Variants in SINHCAF observed in about 807,000 individuals in gnomAD.
The protein encoded by SINHCAF is SIN3-HDAC complex associated factor, also known as SIN3-HDAC complex-associated factor.
A neutral mutation model predicts 25.8 loss-of-function variants in SINHCAF; 3 were observed. The ratio of observed to expected loss-of-function variants is 0.12; its 90% confidence interval spans 0.05 to 0.30. The LOEUF (loss-of-function observed/expected upper bound fraction) is 0.30. SINHCAF is among the 10% of genes least tolerant of loss of function. The pLI is 1.00. For missense variants in SINHCAF, 121 were observed against 262.3 expected (o/e 0.46, Z 3.72); for synonymous variants, 70 against 85.5 (o/e 0.82, Z 1.00).
intron 1 of SINHCAF, among the ~76,000 whole-genome samples, chr12:31,316,779 A>G (rs1939511027): frequency 6.6e-6 from 1 of 152,256 alleles, no homozygotes; most frequent in Non-Finnish European, 1.5e-5. Flanking sequence ...AACAGAATGA[A>G]AAATACTGAA....
At position 31,310,450 on chromosome 12, in the gene SINHCAF, A is replaced by G. The variant is rs1294555906; in HGVS notation, c.-20-12226T>C. ...AGTTTATCATCCTGTTTCCATTTCA[A>G]TGTCCTGCAATTCCTTTTAAAATGC... On this transcript the variant is annotated intron_variant, in intron 1 of 5. Transcript: ENST00000337682. Among the ~76,000 whole-genome samples the G allele has an allele frequency of 2.6e-5, 4 of 152,192 alleles. No homozygotes were observed. In the East Asian group the frequency reaches 5.8e-4, roughly 22 times the overall value.
chr12:31,300,886 G>A (rs1291169941), intron 1 of SINHCAF, among the ~76,000 whole-genome samples: 1 of 152,114 alleles, frequency 6.6e-6, no homozygotes, highest in African/African-American at 2.4e-5. Context: ...GGAAACTTCA[G>A]CCTCCCTTCT....
intron 2 of SINHCAF, among the ~76,000 whole-genome samples, chr12:31,295,938 C>T (rs1017744268): frequency 6.6e-6 from 1 of 150,790 alleles, no homozygotes; most frequent in Admixed American, 6.6e-5. Context: ...CCCAGCACAT[C>T]GGAAGACCAA....
rs118001089 is a variant in SINHCAF at position 31,295,936 on chromosome 12, A to G, written c.129-603T>C. ...TGGCTCACACCTGTAATCCCAGCAC[A>G]TCGGAAGACCAAGGTGGGAAGATCA... On this transcript the variant is annotated intron_variant, in intron 2 of 5. Transcript: ENST00000337682. 0.013 allele frequency among the ~76,000 whole-genome samples: 1,949 copies of G among 151,414 alleles called. 146 individuals are homozygous for G. The East Asian group carries it at 0.23, about 17-fold the overall frequency.
intron 5 of SINHCAF, among the ~76,000 whole-genome samples, chr12:31,283,429 C>G (rs549728316): frequency 4.6e-5 from 7 of 151,892 alleles, no homozygotes; most frequent in Non-Finnish European, 1.0e-4. Context: ...ATGGCGAAAC[C>G]CCATCTCTAC....
intron 1 of SINHCAF, among the ~76,000 whole-genome samples, chr12:31,308,324 G>A (rs1403148748): frequency 6.6e-6 from 1 of 152,088 alleles, no homozygotes; most frequent in African/African-American, 2.4e-5. Flanking sequence ...TCTTTAAACA[G>A]GTACAAAAGG....
chr12:31,282,991 T>C lies in SINHCAF; in HGVS notation c.507-120A>G, dbSNP rs58714649. 6.7e-4 allele frequency: 481 copies of C among 720,896 alleles called. 2 individuals carry two copies. The African/African-American group carries it at 7.9e-3, about 12-fold the overall frequency. 44.7% of individuals were successfully genotyped at this position (720,896 alleles called of 1,614,324 possible). ...CCAAAGAGTTGTGCTTCTACAATCTTGCACATTCCAAGTGAAAGGGCTCCT... is the reference window on the plus strand; with the variant it reads ...CCAAAGAGTTGTGCTTCTACAATCTCGCACATTCCAAGTGAAAGGGCTCCT... On this transcript the variant is annotated intron_variant, in intron 5 of 5. Coordinates refer to ENST00000337682, the MANE Select transcript of SINHCAF (RefSeq NM_001135812.2).
At chr12:31,313,570 A>G (rs1037727923) in intron 1 of SINHCAF, among the ~76,000 whole-genome samples, 1 of 152,236 alleles carries the variant, frequency 6.6e-6, no homozygotes, top group African/African-American at 2.4e-5. Flanking sequence ...AATTTCCACA[A>G]ACATCCTGCT....
rs1329324121 is a variant in SINHCAF at position 31,325,359 on chromosome 12, C to A, written c.-21+665G>T. The A allele has an allele frequency of 2.4e-6, 1 of 408,414 alleles. No individual in the cohort carries two copies. The highest frequency in any genetic ancestry group is 2.0e-5 in the African/African-American group (1 of 48,954). The allele number at this position is 408,414 out of a possible 1,614,324, so 25.3% of individuals were successfully genotyped here. ...GTTGCTCTCATTGTCGCATCCGCAT[C>A]CCTCCGGAGTTGAGCAAACAACGCC... is the stretch of plus-strand genomic sequence containing the variant. On this transcript the variant is annotated intron_variant, in intron 1 of 5. Coordinates refer to ENST00000337682, the MANE Select transcript of SINHCAF (RefSeq NM_001135812.2). The surrounding 1 kb of genome is among the most constrained non-coding windows in gnomAD (Gnocchi z 5.9).
chr12:31,295,552 T>C (rs1271226301), intron 2 of SINHCAF, among the ~76,000 whole-genome samples: 3 of 152,184 alleles, frequency 2.0e-5, no homozygotes, highest in Non-Finnish European at 4.4e-5. Context: ...TTTGGTTATT[T>C]TGAAATAAGA....
chr12:31,284,242 A>G (rs1937941411), intron 5 of SINHCAF, among the ~76,000 whole-genome samples: 1 of 152,180 alleles, frequency 6.6e-6, no homozygotes, highest in African/African-American at 2.4e-5. Flanking sequence ...CACCAATCTA[A>G]TGAGTATAAA....
chr12:31,290,945 C>T (rs1273653669), intron 4 of SINHCAF, among the ~76,000 whole-genome samples: 1 of 151,948 alleles, frequency 6.6e-6, no homozygotes. Flanking sequence ...TCTCAAACTC[C>T]CAACCTCAGG....
intron 1 of SINHCAF, among the ~76,000 whole-genome samples, chr12:31,301,809 C>T (rs917532216): frequency 4.6e-5 from 7 of 151,790 alleles, no homozygotes; most frequent in African/African-American, 1.7e-4. Flanking sequence ...ATAAAATGGT[C>T]TCTGAAACCA....
At chr12:31,285,801 C>A (rs1938037786) in intron 5 of SINHCAF, among the ~76,000 whole-genome samples, 1 of 151,968 alleles carries the variant, frequency 6.6e-6, no homozygotes, top group South Asian at 2.1e-4. Context: ...TATGGCGAAA[C>A]CCCATCTCTA....
At chr12:31,294,707 G>C (rs1938477655) in intron 3 of SINHCAF, among the ~76,000 whole-genome samples, 2 of 152,202 alleles carry the variant, frequency 1.3e-5, no homozygotes, top group Non-Finnish European at 2.9e-5. Context: ...TGTAAGGCTA[G>C]TGTGAACGAT....
At chr12:31,294,008 A>G (rs1174714339) in intron 3 of SINHCAF, 77 bp from the exon 4 acceptor site, 15 of 1,180,962 alleles carry the variant, frequency 1.3e-5, no homozygotes, top group Non-Finnish European at 1.7e-5. Context: ...ATCCGTGCCT[A>G]TTTGAGAACC....
intron 1 of SINHCAF, among the ~76,000 whole-genome samples, chr12:31,316,157 C>G (rs537706091): frequency 1.7e-4 from 25 of 150,190 alleles, no homozygotes; most frequent in African/African-American, 6.1e-4. Context: ...GGGACAAGAG[C>G]AAAAATTCAT....
rs116277869 is a variant in SINHCAF at position 31,307,992 on chromosome 12, T to C, written c.-20-9768A>G. Reference sequence around the variant, plus strand: ...AACAACAGACTCTTGCTCTGTCACTTAGGCTGGAATGCAGTCGGCTCACTG... The same window carrying C: ...AACAACAGACTCTTGCTCTGTCACTCAGGCTGGAATGCAGTCGGCTCACTG... On this transcript the variant is annotated intron_variant, in intron 1 of 5. Coordinates refer to ENST00000337682, the MANE Select transcript of SINHCAF (RefSeq NM_001135812.2). 3.4e-3 allele frequency among the ~76,000 whole-genome samples: 521 copies of C among 152,286 alleles called. 5 individuals carry two copies. Among genetic ancestry groups the C allele is most frequent in the African/African-American group, 0.012 (499 of 41,572 alleles).
intron 1 of SINHCAF, among the ~76,000 whole-genome samples, chr12:31,319,488 C>T (rs1254685415): frequency 6.6e-6 from 1 of 152,208 alleles, no homozygotes; most frequent in Non-Finnish European, 1.5e-5. Flanking sequence ...GATCGCACCA[C>T]TGAACTCCAG....
Sources: allele counts gnomAD v4.1 joint callset (sites outside exome capture counted in the v4.1 genomes callset), GRCh38; gene constraint gnomAD v4.1.1; non-coding constraint Gnocchi (gnomAD v3.1); transcripts MANE v1.5; gene names NCBI Gene and HGNC (gene_info 2026-07-23, HGNC 2026-07-21).